The following HDAC9 variants were observed in gnomAD, a reference collection of about 807,000 sequenced individuals.
HDAC9 encodes MEF-2 interacting transcription repressor (MITR) protein.
HDAC9 carries 41 observed loss-of-function variants against 139.4 expected under a neutral mutation model. That is an observed-to-expected ratio of 0.29 (90% confidence interval 0.23 to 0.38). HDAC9 has a LOEUF of 0.38. HDAC9 is among the 10% of genes least tolerant of loss of function. The pLI is 1.00. For missense variants in HDAC9, 1,147 were observed against 1,297.0 expected, an observed-to-expected ratio of 0.88 and a Z score of 1.78; for synonymous variants, 517 against 476.2, an observed-to-expected ratio of 1.09 and a Z score of -1.12.
chr7:18,386,719 G>A (rs1391898014), intron 1 of HDAC9, among the ~76,000 whole-genome samples: 1 of 152,190 alleles, frequency 6.6e-6, no homozygotes, highest in Non-Finnish European at 1.5e-5. Flanking sequence ...AAAAGAGACT[G>A]TTCTATTGCT....
chr7:18,795,257 TAAAAAAAAAAAAAAAA>T (rs5882676), intron 17 of HDAC9, among the ~76,000 whole-genome samples: 6 of 65,482 alleles, frequency 9.2e-5, no homozygotes, highest in Non-Finnish European at 1.6e-4. Flanking sequence ...AAGAAAACAG[TAAAAAAAAAAAAAAAA>T]AAAAAAAAAA....
At chr7:18,106,519 C>G (rs1458858690) in intron 1 of HDAC9, among the ~76,000 whole-genome samples, 1 of 152,052 alleles carries the variant, frequency 6.6e-6, no homozygotes, top group African/African-American at 2.4e-5. Context: ...GTGGTGCGAT[C>G]TTAGCTCACT....
intron 1 of HDAC9, among the ~76,000 whole-genome samples, chr7:18,145,877 A>G (rs1001707186): frequency 3.9e-5 from 6 of 152,286 alleles, no homozygotes; most frequent in Admixed American, 3.3e-4. Context: ...AGGAAGCTCA[A>G]CCTAGGAGAA....
At chr7:18,732,791 G>A (rs118109732) in intron 13 of HDAC9, among the ~76,000 whole-genome samples, 8 of 87,822 alleles carry the variant, frequency 9.1e-5, no homozygotes, top group East Asian at 6.0e-4. Flanking sequence ...ACACACGTGT[G>A]TTTGTGTGCG....
At chr7:18,880,389 A>C (rs1697961304) in intron 22 of HDAC9, among the ~76,000 whole-genome samples, 1 of 152,218 alleles carries the variant, frequency 6.6e-6, no homozygotes, top group South Asian at 2.1e-4. Flanking sequence ...TCACAATAGC[A>C]GTGACCTGGA....
At chr7:18,478,076 CTT>C (rs1188149874) in intron 1 of HDAC9, among the ~76,000 whole-genome samples, 1 of 145,050 alleles carries the variant, frequency 6.9e-6, no homozygotes, top group East Asian at 2.0e-4. Flanking sequence ...ACAAAAAAAA[CTT>C]TTTTTTTTTT....
intron 1 of HDAC9, among the ~76,000 whole-genome samples, chr7:18,473,536 T>A (rs932025673): frequency 6.6e-6 from 1 of 152,360 alleles, no homozygotes; most frequent in South Asian, 2.1e-4. Flanking sequence ...TAAGAAGTTT[T>A]GGCAGAAGCC....
intron 8 of HDAC9, among the ~76,000 whole-genome samples, chr7:18,640,096 T>G (rs1785090010): frequency 6.6e-6 from 1 of 151,940 alleles, no homozygotes; most frequent in South Asian, 2.1e-4. Flanking sequence ...TGTGAGCTTT[T>G]TAAAATGTGA....
intron 14 of HDAC9, among the ~76,000 whole-genome samples, chr7:18,752,976 A>T (rs1281768060): frequency 6.6e-6 from 1 of 152,066 alleles, no homozygotes; most frequent in African/African-American, 2.4e-5. Context: ...CGTTGCTAAC[A>T]TGTGTCTGGG....
chr7:18,417,515 A>G (rs1311256997), intron 1 of HDAC9, among the ~76,000 whole-genome samples: 2 of 152,092 alleles, frequency 1.3e-5, no homozygotes, highest in African/African-American at 2.4e-5. Flanking sequence ...AGATATTTTC[A>G]TACTCCTATG....
chr7:18,989,202 C>T lies in HDAC9; in HGVS notation c.3171-6821C>T, dbSNP rs1353498894. On this transcript the variant is annotated intron_variant, in intron 25 of 25. Transcript: ENST00000686413. ...GGCATGATTTTGCAGTGGCTGGTAC[C>T]GGTTGTTCCTTTCCATGTTTAGCAC... Among the ~76,000 whole-genome samples, 90 of 148,242 alleles carry T rather than the reference C, an allele frequency of 6.1e-4. 1 individual carries two copies. The South Asian group carries it at 0.01, about 17-fold the overall frequency.
chr7:18,953,665 A>G (rs563406676), intron 23 of HDAC9, among the ~76,000 whole-genome samples: 3 of 152,240 alleles, frequency 2.0e-5, no homozygotes, highest in Non-Finnish European at 4.4e-5. Context: ...GAATAAAAGC[A>G]GCTGTGTCTC....
chr7:18,663,636 A>C (rs902591261), intron 11 of HDAC9, among the ~76,000 whole-genome samples: 8 of 152,048 alleles, frequency 5.3e-5, no homozygotes, highest in Admixed American at 4.6e-4. Context: ...CCGGGTATCT[A>C]CTTGAATCCT....
At chr7:18,956,095 A>G (rs962993736) in intron 24 of HDAC9, among the ~76,000 whole-genome samples, 1 of 152,050 alleles carries the variant, frequency 6.6e-6, no homozygotes, top group Non-Finnish European at 1.5e-5. Context: ...CTTGAAAAAG[A>G]CTCAATCTAC....
chr7:18,413,844 G>T (rs1033628377), intron 1 of HDAC9, among the ~76,000 whole-genome samples: 13 of 152,060 alleles, frequency 8.5e-5, no homozygotes, highest in African/African-American at 2.9e-4. Flanking sequence ...TTGGGCATTA[G>T]CTAATAATGA....
intron 2 of HDAC9, among the ~76,000 whole-genome samples, chr7:18,172,121 A>C (rs933771960): frequency 2.0e-5 from 3 of 151,972 alleles, no homozygotes; most frequent in Non-Finnish European, 2.9e-5. Flanking sequence ...TCAATTTCAG[A>C]GCCTGTTATT....
intron 2 of HDAC9, among the ~76,000 whole-genome samples, chr7:18,217,957 CT>C (rs1245057240): frequency 6.6e-6 from 1 of 152,148 alleles, no homozygotes; most frequent in Non-Finnish European, 1.5e-5. Flanking sequence ...TATCTGAAGG[CT>C]TGAATGGGGC....
intron 1 of HDAC9, among the ~76,000 whole-genome samples, chr7:18,310,570 C>T (rs544429905): frequency 1.3e-5 from 2 of 152,122 alleles, no homozygotes; most frequent in African/African-American, 2.4e-5. Context: ...CATACACTCA[C>T]GTTTAACTTC....
intron 21 of HDAC9, among the ~76,000 whole-genome samples, chr7:18,852,538 G>A (rs1347495205): frequency 6.6e-6 from 1 of 152,178 alleles, no homozygotes; most frequent in Admixed American, 6.5e-5. Context: ...ACTTGGAAAA[G>A]GTCCATGTGA....
Sources: gnomAD v4.1 joint callset for allele counts (sites outside exome capture counted in the v4.1 genomes callset) on GRCh38, gnomAD v4.1.1 for gene constraint, MANE v1.5 for transcripts, NCBI Gene and HGNC (gene_info 2026-07-23, HGNC 2026-07-21) for gene names.